ACIN1: variants seen among roughly 807,000 people sequenced by gnomAD.
ACIN1 encodes apoptotic chromatin condensation inducer in the nucleus.
ACIN1 carries 16 observed loss-of-function variants against 146.6 expected under a neutral mutation model. That is an observed-to-expected ratio of 0.11 (90% CI 0.07 to 0.17). The LOEUF is 0.17. Ranked by LOEUF, ACIN1 falls within the 10% of genes least tolerant of loss-of-function variation. The pLI, the probability that ACIN1 is intolerant of heterozygous loss-of-function variation, is 1.00. For synonymous variants in ACIN1, 569 were observed against 582.7 expected (o/e 0.98, Z 0.34); for missense variants, 1,357 against 1,609.3 (o/e 0.84, Z 2.68).
chr14:23,071,448 G>A (rs567084119), intron 8 of ACIN1: 3 of 1,551,734 alleles, frequency 1.9e-6, no homozygotes, highest in Non-Finnish European at 2.6e-6. Context: ...AGTTCGGCTG[G>A]ATTGGTCTCT....
intron 1 of ACIN1, 109 bp downstream of exon 1, chr14:23,094,866 G>T (rs1363326777): frequency 3.5e-6 from 5 of 1,422,896 alleles, no homozygotes; most frequent in African/African-American, 2.9e-5. Context: ...TCGCGCTGGC[G>T]GCCTGAGCGA....
rs1312015327 is a variant in ACIN1, at chr14:23,080,188, T to C, written c.1147A>G (p.Met383Val). 1.9e-6 allele frequency: 3 copies of C among 1,614,042 alleles called. No individual in the cohort carries two copies. The highest frequency in any genetic ancestry group is 4.5e-5 in the East Asian group (2 of 44,896). The change falls in exon 6 of 19, where the codon ATG becomes GTG. Residue 383 changes from methionine (M) to valine (V), a missense_variant. By Grantham distance (21) the Met-to-Val change is conservative. Around this residue, in one of 4 missense-constraint regions of ACIN1, gnomAD observed 771 missense variants for 746.6 expected, o/e 1.03. Transcript: ENST00000605057. ...QLHSEEEIEP[M>V]EGPAPAVLIQ... is the part of the protein sequence containing the mutation. Reference sequence around the variant, plus strand: ...AGGACAGCGGGGGCTGGGCCTTCCATGGGCTCTATTTCTTCTTCGCTATGG... The same window carrying C: ...AGGACAGCGGGGGCTGGGCCTTCCACGGGCTCTATTTCTTCTTCGCTATGG...
chr14:23,071,135 T>C (rs945973846), intron 8 of ACIN1: 1 of 1,551,854 alleles, frequency 6.4e-7, no homozygotes, highest in Non-Finnish European at 8.7e-7. Flanking sequence ...CCTTCTTTGC[T>C]TTCTGATAAC....
At chr14:23,090,474 G>A (rs770534731) in intron 3 of ACIN1, 48 bp downstream of exon 3, 1 of 1,521,500 alleles carries the variant, frequency 6.6e-7, no homozygotes, top group Non-Finnish European at 9.1e-7. Context: ...CTTGGTGACA[G>A]GGATAAGAAT....
chr14:23,094,025 A>C lies in ACIN1; in HGVS notation c.139-481T>G, dbSNP rs971681630. On this transcript the variant is annotated intron_variant, in intron 1 of 18. Transcript: ENST00000605057. ...AGTACTGTGGCACCTAGATTTATCA[A>C]ATTTATAAAATTTTCAAAGAGGAAG... is the stretch of plus-strand genomic sequence containing the variant. Among the ~76,000 whole-genome samples, 14 of 79,386 alleles carry C rather than the reference A, an allele frequency of 1.8e-4. No homozygotes were observed. In the East Asian group the frequency reaches 3.5e-3, roughly 20 times the overall value. 52.1% of individuals were successfully genotyped at this position (79,386 alleles called of 152,430 possible). A position where few individuals can be genotyped will look rare whatever the true frequency, so the allele number is the denominator to read the frequency against.
intron 16 of ACIN1, 77 bp from the exon 17 acceptor site, chr14:23,061,699 C>A: frequency 2.9e-6 from 4 of 1,358,098 alleles, no homozygotes; most frequent in South Asian, 1.5e-5. Flanking sequence ...GATGGCCGGG[C>A]GCGGTGGCTC....
Position 23,090,653 on chromosome 14 carries a change from A to T in ACIN1, c.205-20T>A. 9 of 1,594,086 alleles carry T rather than the reference A, an allele frequency of 5.6e-6. No homozygotes were observed. Among genetic ancestry groups the T allele is most frequent in the Non-Finnish European group, 7.7e-6 (9 of 1,164,204 alleles). ...ACCAATCTGTGTAGAGGAAATGAAA[A>T]CAGAGGGTCTAGGAAAACAAACCAG... On this transcript the variant is annotated intron_variant, in intron 2 of 18. Coordinates refer to ENST00000605057, the MANE Select transcript of ACIN1 (RefSeq NM_001386863.1).
In ACIN1 at chr14:23,067,209, A is replaced by G; in HGVS notation, c.2266-1201T>C. 4.1e-6 allele frequency: 3 copies of G among 738,538 alleles called. No homozygotes were observed. The highest frequency in any genetic ancestry group is 5.0e-6 in the Non-Finnish European group (3 of 604,786). The allele number at this position is 738,538 out of a possible 1,614,324, so 45.7% of individuals were successfully genotyped here. ...AAATAAATAAAAGAAATCAGAAAAA[A>G]TAAAGATATAGAAAAAAATAAAATA... On this transcript the variant is annotated intron_variant, in intron 9 of 18. Transcript: ENST00000605057. This position sits in a 1 kb window ranked among gnomAD's most constrained non-coding sequence, Gnocchi z 4.6.
Position 23,061,971 on chromosome 14 carries a change from C to CAAAAAAAAAAAA in ACIN1, c.3099+185_3099+196dup, listed in dbSNP as rs57962360. On this transcript the variant is annotated intron_variant, in intron 16 of 18. Coordinates refer to ENST00000605057, the MANE Select transcript of ACIN1 (RefSeq NM_001386863.1). ...CCTGGGAGACAGCGAGACTCTGTCT[C>CAAAAAAAAAAAA]AAAAAAAAAAAAAAAAAAAAAAGGA... 3.2e-4 allele frequency among the ~76,000 whole-genome samples: 19 copies of CAAAAAAAAAAAA among 59,120 alleles called. 2 individuals are homozygous for CAAAAAAAAAAAA. The highest frequency in any genetic ancestry group is 1.2e-3 in the African/African-American group (17 of 13,626). 38.8% of individuals were successfully genotyped at this position (59,120 alleles called of 152,430 possible). A position where few individuals can be genotyped will look rare whatever the true frequency, so the allele number is the denominator to read the frequency against.
At chr14:23,089,594 A>G (rs964846851) in intron 4 of ACIN1, among the ~76,000 whole-genome samples, 2 of 152,182 alleles carry the variant, frequency 1.3e-5, no homozygotes, top group African/African-American at 2.4e-5. Flanking sequence ...GGTATACAAC[A>G]AGTACACAAT....
intron 14 of ACIN1, 130 bp from the exon 15 acceptor site, chr14:23,062,653 T>C (rs142175282): frequency 2.1e-4 from 186 of 899,446 alleles, no homozygotes; most frequent in Non-Finnish European, 2.9e-4. Context: ...TTAGGAACCT[T>C]GCAGTAAGAA....
chr14:23,079,997 A>T lies in ACIN1; in HGVS notation c.1338T>A (p.Val446=), dbSNP rs2140154475. 6.2e-7 allele frequency: 1 copy of T among 1,614,082 alleles called. No homozygotes were observed. The change falls in exon 6 of 19, where the codon GTT becomes GTA. Residue 446 remains valine, a synonymous_variant. Transcript: ENST00000605057. ...KVPEESVLPL[V]QKSTLADYSA... ...AGTAGTCAGCCAGTGTGCTTTTCTGAACCAGAGGCAGGACACTCTCCTCTG... is the reference window on the plus strand; with the variant it reads ...AGTAGTCAGCCAGTGTGCTTTTCTGTACCAGAGGCAGGACACTCTCCTCTG...
intron 4 of ACIN1, among the ~76,000 whole-genome samples, chr14:23,087,620 T>C (rs1429152935): frequency 1.3e-5 from 2 of 152,036 alleles, no homozygotes; most frequent in African/African-American, 2.4e-5. Flanking sequence ...TATTAAGAAC[T>C]GACAGCCTCT....
chr14:23,069,467 GA>G lies in ACIN1; in HGVS notation c.2265+8del. On this transcript the variant is annotated splice_region_variant and intron_variant, in intron 9 of 18. Transcript: ENST00000605057. ...CCCACCCGCCCCAATAGGTGGCTTG[GA>G]TGTTTACCTCTTTCTTCTCCTCATC... The G allele has an allele frequency of 6.2e-7, 1 of 1,612,894 alleles. No homozygotes were observed. The highest frequency in any genetic ancestry group is 8.5e-7 in the Non-Finnish European group (1 of 1,179,338).
At position 23,064,516 on chromosome 14, in the gene ACIN1, T is replaced by G. The variant is rs779396270; in HGVS notation, c.2309-28A>C. 6.8e-6 allele frequency: 11 copies of G among 1,612,402 alleles called. No individual in the cohort carries two copies. The Admixed American group carries it at 1.7e-4, about 24-fold the overall frequency. On this transcript the variant is annotated intron_variant, in intron 10 of 18. Coordinates refer to ENST00000605057, the MANE Select transcript of ACIN1 (RefSeq NM_001386863.1). ...GTCCCCAAGAAATAGACCCAACAGT[T>G]AGATGGTCTCAGGACCTCTGCTAGT... is the stretch of plus-strand genomic sequence containing the variant.
chr14:23,080,866 G>A lies in ACIN1; in HGVS notation c.526-57C>T, dbSNP rs17308786. On this transcript the variant is annotated intron_variant, in intron 5 of 18. Transcript: ENST00000605057. ...GTATTTGCTCACAGTCAACAGAGGA[G>A]AGAAAGTATCTAATGAAGACACCCC... 2.3e-3 allele frequency: 3,560 copies of A among 1,528,436 alleles called. 112 individuals carry two copies. In the East Asian group the frequency reaches 0.053, roughly 23 times the overall value. 94.7% of individuals were successfully genotyped at this position (1,528,436 alleles called of 1,614,324 possible). A position where few individuals can be genotyped will look rare whatever the true frequency, so the allele number is the denominator to read the frequency against.
chr14:23,078,557 GCTGA>G (rs1471090233), intron 7 of ACIN1, among the ~76,000 whole-genome samples: 1 of 152,092 alleles, frequency 6.6e-6, no homozygotes, highest in Non-Finnish European at 1.5e-5. Context: ...CTGAGAAAAG[GCTGA>G]CTTCCTTTTG....
At chr14:23,093,124 T>C (rs1171003933) in intron 2 of ACIN1, among the ~76,000 whole-genome samples, 1 of 152,248 alleles carries the variant, frequency 6.6e-6, no homozygotes, top group Non-Finnish European at 1.5e-5. Context: ...CACTGCCATA[T>C]TGGTGATCTA....
At chr14:23,059,874 C>G (rs1036252164) in intron 18 of ACIN1, among the ~76,000 whole-genome samples, 5 of 151,030 alleles carry the variant, frequency 3.3e-5, no homozygotes, top group Non-Finnish European at 7.4e-5. Context: ...CCAGGATGGT[C>G]TTGATCTCCT....
Sources: allele counts gnomAD v4.1 joint callset (sites outside exome capture counted in the v4.1 genomes callset), GRCh38; gene constraint gnomAD v4.1.1; regional missense constraint gnomAD v4.1.1; non-coding constraint Gnocchi (gnomAD v3.1); transcripts MANE v1.5; gene names NCBI Gene and HGNC (gene_info 2026-07-23, HGNC 2026-07-21).